UNC13B: variants seen among roughly 807,000 people sequenced by gnomAD.
The protein encoded by UNC13B is unc-13 homolog B, also known as protein unc-13 homolog B.
UNC13B carries 144 observed loss-of-function variants against 211.0 expected under a neutral mutation model. That is an observed-to-expected ratio of 0.68 (90% CI 0.60 to 0.78). The LOEUF is 0.78. UNC13B is among the 30% of genes least tolerant of loss of function. The pLI, the probability that UNC13B is intolerant of heterozygous loss-of-function variation, is 0.00. For missense variants in UNC13B, 1,777 were observed against 2,002.0 expected (o/e 0.89, Z 2.14); for synonymous variants, 709 against 725.8 (o/e 0.98, Z 0.37).
At chr9:35,397,560 G>C in intron 29 of UNC13B, 75 bp from the exon 30 acceptor site, 1 of 1,499,240 alleles carries the variant, frequency 6.7e-7, no homozygotes, top group Non-Finnish European at 9.1e-7. Flanking sequence ...GTGATGAGAA[G>C]TGCCACCTCA....
intron 7 of UNC13B, among the ~76,000 whole-genome samples, chr9:35,269,710 C>A (rs952587903): frequency 5.3e-5 from 8 of 152,158 alleles, no homozygotes; most frequent in Admixed American, 2.6e-4. Flanking sequence ...ACAGTCTTAT[C>A]CCTATCACTC....
intron 11 of UNC13B, chr9:35,364,403 T>A: frequency 1.3e-6 from 1 of 793,728 alleles, no homozygotes; most frequent in Non-Finnish European, 1.9e-6. Context: ...CTGGGCTCTA[T>A]GAACTGCCTA....
Position 35,404,234 on chromosome 9 carries a change from G to T in UNC13B, c.*201G>T. On this transcript the variant is annotated 3_prime_UTR_variant, in exon 40 of 40. Transcript: ENST00000635942. ...TGAAGCCCTGGCCCAACAGGACTGT[G>T]GTACTAGGGGCTGGGATGTGGGGTT... 1 of 659,214 alleles carries T rather than the reference G, an allele frequency of 1.5e-6. No homozygotes were observed. The highest frequency in any genetic ancestry group is 2.0e-5 in the South Asian group (1 of 49,582). 40.8% of individuals were successfully genotyped at this position (659,214 alleles called of 1,614,324 possible). A position where few individuals can be genotyped will look rare whatever the true frequency, so the allele number is the denominator to read the frequency against.
rs1286125622 is a variant in UNC13B at position 35,203,556 on chromosome 9, G to A, written c.23-24459G>A. On this transcript the variant is annotated intron_variant, in intron 1 of 39. Coordinates refer to ENST00000635942, the MANE Select transcript of UNC13B (RefSeq NM_001371189.2). ...TTAGTCTGATGGGCTTCCCTTTGAGGGTAACCCGACCTTTCTCTCTGGCTC... is the reference window on the plus strand; with the variant it reads ...TTAGTCTGATGGGCTTCCCTTTGAGAGTAACCCGACCTTTCTCTCTGGCTC... Among the ~76,000 whole-genome samples the A allele has an allele frequency of 2.0e-5, 3 of 152,116 alleles. No homozygotes were observed. In the South Asian group the frequency reaches 6.2e-4, roughly 32 times the overall value.
Position 35,308,265 on chromosome 9 carries a change from A to G in UNC13B, c.8861A>G (p.His2954Arg), listed in dbSNP as rs1830020905. The change falls in exon 9 of 40, where the codon CAT becomes CGT. Residue 2954 changes from histidine (H) to arginine (R), a missense_variant. His to Arg is a conservative substitution (Grantham distance 29). Transcript: ENST00000635942. ...LSSPACPSGK[H>R]EEEPSTVSEI... ...AGCCCCGCCTGTCCTTCAGGGAAAC[A>G]TGAGGAAGAACCCTCCACTGTCTCT... The G allele has an allele frequency of 5.0e-6, 2 of 399,158 alleles. No homozygotes were observed. The highest frequency in any genetic ancestry group is 4.4e-6 in the Non-Finnish European group (1 of 226,172). 24.7% of individuals were successfully genotyped at this position (399,158 alleles called of 1,614,324 possible). A position where few individuals can be genotyped will look rare whatever the true frequency, so the allele number is the denominator to read the frequency against.
chr9:35,375,923 T>C (rs1834371114), intron 14 of UNC13B, 105 bp from the exon 15 acceptor site: 1 of 1,144,002 alleles, frequency 8.7e-7, no homozygotes, highest in Admixed American at 1.9e-5. Flanking sequence ...GAGGTTGCAA[T>C]GAGCCGAGAT....
intron 17 of UNC13B, among the ~76,000 whole-genome samples, chr9:35,379,959 G>A (rs1834709734): frequency 6.6e-6 from 1 of 152,142 alleles, no homozygotes. Flanking sequence ...AATTCAATGG[G>A]ATATGATAGG....
Position 35,304,391 on chromosome 9 carries a change from T to G in UNC13B, c.4987T>G (p.Phe1663Val), listed in dbSNP as rs1165982809. ...RQKFKGDFRS[F>V]KERPCGSEDA... ...AAAGTTTAAAGGAGACTTTAGATCT[T>G]TCAAAGAAAGGCCGTGTGGTTCTGA... The change falls in exon 9 of 40, where the codon TTC becomes GTC. Residue 1663 changes from phenylalanine (F) to valine (V), a missense_variant. By Grantham distance (50) the Phe-to-Val change is conservative. Transcript: ENST00000635942. 5.0e-6 allele frequency: 2 copies of G among 398,632 alleles called. No homozygotes were observed. Among genetic ancestry groups the G allele is most frequent in the Non-Finnish European group, 8.9e-6 (2 of 225,912 alleles). The allele number at this position is 398,632 out of a possible 1,614,324, so 24.7% of individuals were successfully genotyped here. A position where few individuals can be genotyped will look rare whatever the true frequency, so the allele number is the denominator to read the frequency against.
In UNC13B at chr9:35,307,905, T is replaced by C. The variant is rs1442980833; in HGVS notation, c.8501T>C (p.Leu2834Pro). Reference sequence around the variant, plus strand: ...AGTGTATTAGCAAGTGATTCAAAACTAGGATTTGGAAAGGTAGATCTTTCA... The same window carrying C: ...AGTGTATTAGCAAGTGATTCAAAACCAGGATTTGGAAAGGTAGATCTTTCA... ...KGSVLASDSKLGFGKVDLSFP... is the reference protein window; with the variant it reads ...KGSVLASDSKPGFGKVDLSFP... The change falls in exon 9 of 40, where the codon CTA (leucine) becomes CCA (proline). Residue 2834 changes from leucine to proline, a missense_variant. Physicochemically the swap from Leu to Pro is moderately conservative, Grantham distance 98. Transcript: ENST00000635942. 1 of 398,812 alleles carries C rather than the reference T, an allele frequency of 2.5e-6. No homozygotes were observed. Among genetic ancestry groups the C allele is most frequent in the African/African-American group, 2.1e-5 (1 of 48,620 alleles). 24.7% of individuals were successfully genotyped at this position (398,812 alleles called of 1,614,324 possible).
chr9:35,258,577 A>T (rs1827074287), intron 6 of UNC13B, among the ~76,000 whole-genome samples: 1 of 152,234 alleles, frequency 6.6e-6, no homozygotes, highest in African/African-American at 2.4e-5. Context: ...CTATTACTTA[A>T]AAATGAGAAA....
At chr9:35,182,121 T>C (rs1425086160) in intron 1 of UNC13B, among the ~76,000 whole-genome samples, 1 of 152,194 alleles carries the variant, frequency 6.6e-6, no homozygotes, top group Non-Finnish European at 1.5e-5. Flanking sequence ...TTACATTTGT[T>C]CCTATATCAT....
chr9:35,386,279 C>T lies in UNC13B; in HGVS notation c.11080C>T (p.Arg3694Cys), dbSNP rs201000360. 2.4e-4 allele frequency: 384 copies of T among 1,614,074 alleles called. No individual in the cohort carries two copies. Among genetic ancestry groups the T allele is most frequent in the Non-Finnish European group, 3.0e-4 (350 of 1,179,984 alleles). Reference sequence around the variant, plus strand: ...CAACAACTGCCACGACTTATACAGCCGCCAGTACCAGCTGGTAAGAGGTTC... The same window carrying T: ...CAACAACTGCCACGACTTATACAGCTGCCAGTACCAGCTGGTAAGAGGTTC... The part of the protein sequence containing the change: ...IFNNCHDLYS[R>C]QYQLKQELPP... The change falls in exon 24 of 40, where the codon CGC becomes TGC. Residue 3694 changes from arginine to cysteine, a missense_variant. Arg to Cys is a radical substitution (Grantham distance 180). Transcript: ENST00000635942.
At chr9:35,400,213 C>T in intron 36 of UNC13B, 83 bp from the exon 37 acceptor site, 1 of 1,562,702 alleles carries the variant, frequency 6.4e-7, no homozygotes, top group Non-Finnish European at 8.7e-7. Context: ...TCACAGTCCT[C>T]TTCTTGCTTC....
At chr9:35,213,977 CA>C (rs928584504) in intron 1 of UNC13B, among the ~76,000 whole-genome samples, 24 of 151,434 alleles carry the variant, frequency 1.6e-4, no homozygotes, top group African/African-American at 5.6e-4. Context: ...ATAAAACCTA[CA>C]AAAAAAATAG....
intron 1 of UNC13B, among the ~76,000 whole-genome samples, chr9:35,223,564 A>G (rs1330995587): frequency 6.6e-6 from 1 of 151,210 alleles, no homozygotes; most frequent in Admixed American, 6.6e-5. Context: ...AGTTCCTTAT[A>G]TATTCTGGAT....
Position 35,396,943 on chromosome 9 carries a change from T to A in UNC13B, c.11532+6T>A. On this transcript the variant is annotated splice_donor_region_variant and intron_variant, in intron 28 of 39. Transcript: ENST00000635942. ...AACGAGATAAGAAGGATGGAGTAAG[T>A]CAGGGGCTTTGGCTGCACCGGGTTC... 2 of 1,614,074 alleles carry A rather than the reference T, an allele frequency of 1.2e-6. No homozygotes were observed. The highest frequency in any genetic ancestry group is 1.7e-6 in the Non-Finnish European group (2 of 1,179,962).
intron 7 of UNC13B, among the ~76,000 whole-genome samples, chr9:35,272,605 A>C (rs1252832328): frequency 1.3e-5 from 2 of 152,144 alleles, no homozygotes; most frequent in Non-Finnish European, 2.9e-5. Flanking sequence ...GATTTCCTCC[A>C]AAGAACATGC....
chr9:35,331,963 T>C (rs1031318679), intron 11 of UNC13B, among the ~76,000 whole-genome samples: 11 of 152,002 alleles, frequency 7.2e-5, no homozygotes, highest in African/African-American at 2.7e-4. Flanking sequence ...CCTACTGTGA[T>C]AGGTAACCAG....
chr9:35,223,611 G>A (rs1158670365), intron 1 of UNC13B, among the ~76,000 whole-genome samples: 1 of 151,364 alleles, frequency 6.6e-6, no homozygotes. Context: ...TGCAAATATT[G>A]TCTCCCATTC....
Sources: allele counts gnomAD v4.1 joint callset (sites outside exome capture counted in the v4.1 genomes callset), GRCh38; gene constraint gnomAD v4.1.1; transcripts MANE v1.5; gene names NCBI Gene and HGNC (gene_info 2026-07-23, HGNC 2026-07-21).